Variants in ADNP observed in about 807,000 individuals in gnomAD.
The protein encoded by ADNP is activity dependent neuroprotector homeobox, also known as activity-dependent neuroprotector homeobox protein.
A neutral mutation model predicts 84.9 loss-of-function variants in ADNP; 4 were observed. That is an observed-to-expected ratio of 0.05 (90% confidence interval 0.02 to 0.11). ADNP has a LOEUF of 0.11. Ranked by LOEUF, ADNP falls within the 10% of genes least tolerant of loss-of-function variation. ADNP has a pLI of 1.00. For synonymous variants in ADNP, 554 were observed against 468.1 expected, an observed-to-expected ratio of 1.18 and a Z score of -2.37; for missense variants, 1,132 against 1,326.0, an observed-to-expected ratio of 0.85 and a Z score of 2.27.
chr20:50,891,475 ATGT>A lies in ADNP; in HGVS notation c.3236_3238del (p.Asn1079del), dbSNP rs1568701269. ...CATGGGCTCAGCTACTCCATCAGTC[ATGT>A]TGTCAAACTGTTCCCCATCCTCACT... On this transcript the variant is annotated inframe_deletion, in exon 6 of 6. Coordinates refer to ENST00000621696, the MANE Select transcript of ADNP (RefSeq NM_001282531.3). 2.5e-6 allele frequency: 4 copies of A among 1,612,736 alleles called. No individual in the cohort carries two copies. Among genetic ancestry groups the A allele is most frequent in the Admixed American group, 3.3e-5 (2 of 60,030 alleles).
At chr20:50,921,180 A>C (rs978201496) in intron 2 of ADNP, among the ~76,000 whole-genome samples, 1 of 152,252 alleles carries the variant, frequency 6.6e-6, no homozygotes, top group African/African-American at 2.4e-5. Context: ...CAAAATTCTG[A>C]GTTCACACCA....
Position 50,912,826 on chromosome 20 carries a change from TA to T in ADNP, c.-89-7978del, listed in dbSNP as rs1235532969. Among the ~76,000 whole-genome samples, 8 of 152,056 alleles carry T rather than the reference TA, an allele frequency of 5.3e-5. 1 individual carries two copies. The East Asian group carries it at 7.7e-4, about 15-fold the overall frequency. ...AAAATAAAGTTCACACTGTGATTTT[TA>T]AAAAAACATTTCTACCCTAAAGTTG... On this transcript the variant is annotated intron_variant, in intron 2 of 5. Coordinates refer to ENST00000621696, the MANE Select transcript of ADNP (RefSeq NM_001282531.3).
rs775740475 is a variant in ADNP at position 50,892,124 on chromosome 20, T to C, written c.2590A>G (p.Lys864Glu). 8.1e-6 allele frequency: 13 copies of C among 1,614,052 alleles called. No individual in the cohort carries two copies. Among genetic ancestry groups the C allele is most frequent in the African/African-American group, 2.7e-5 (2 of 74,916 alleles). ...SRVNASKTAD[K>E]KLNLGKEDDS... ...TCTTCCTTCCCAAGGTTGAGCTTTTTGTCAGCAGTCTTACTAGCATTGACT... is the reference window on the plus strand; with the variant it reads ...TCTTCCTTCCCAAGGTTGAGCTTTTCGTCAGCAGTCTTACTAGCATTGACT... The change falls in exon 6 of 6, where the codon AAA becomes GAA. Residue 864 changes from lysine to glutamate, a missense_variant. By Grantham distance (56) the Lys-to-Glu change is moderately conservative. Transcript: ENST00000621696.
chr20:50,927,754 T>C (rs545609246), intron 2 of ADNP, among the ~76,000 whole-genome samples: 1 of 152,346 alleles, frequency 6.6e-6, no homozygotes, highest in African/African-American at 2.4e-5. Context: ...AATACATGCT[T>C]TCTAAGAGCT....
chr20:50,920,522 A>T (rs1431041947), intron 2 of ADNP, among the ~76,000 whole-genome samples: 1 of 148,616 alleles, frequency 6.7e-6, no homozygotes, highest in Non-Finnish European at 1.5e-5. Flanking sequence ...AGAGGTTGAG[A>T]TCGCGCCACT....
At chr20:50,901,889 A>T in intron 5 of ADNP, 128 bp downstream of exon 5, 1 of 787,216 alleles carries the variant, frequency 1.3e-6, no homozygotes, top group Non-Finnish European at 2.2e-6. Context: ...GAAAATATGA[A>T]ATGCAATTTT....
intron 2 of ADNP, among the ~76,000 whole-genome samples, chr20:50,912,977 C>T (rs190960388): frequency 1.2e-3 from 178 of 152,012 alleles, no homozygotes; most frequent in Non-Finnish European, 1.8e-3. Context: ...TCAGGATGGG[C>T]GCCATGGCTC....
chr20:50,926,635 TTAA>T (rs1019259511), intron 2 of ADNP, among the ~76,000 whole-genome samples: 3 of 152,318 alleles, frequency 2.0e-5, no homozygotes, highest in South Asian at 4.1e-4. Flanking sequence ...TCATCTGTAT[TTAA>T]TAATATGACA....
intron 5 of ADNP, among the ~76,000 whole-genome samples, chr20:50,899,197 GTTTT>G (rs111552447): frequency 7.1e-6 from 1 of 140,954 alleles, no homozygotes; most frequent in African/African-American, 2.6e-5. Context: ...TGGTAATGAG[GTTTT>G]TTTTTTTTTT....
chr20:50,904,259 T>C (rs1982267346), intron 3 of ADNP: 1 of 418,912 alleles, frequency 2.4e-6, no homozygotes, highest in Non-Finnish European at 4.4e-6. Flanking sequence ...AGTGCACTCA[T>C]GGTTCATTGA....
At position 50,903,650 on chromosome 20, in the gene ADNP, G is replaced by C. The variant is rs573281055; in HGVS notation, c.108+239C>G. Among the ~76,000 whole-genome samples, 16 of 152,324 alleles carry C rather than the reference G, an allele frequency of 1.1e-4. No individual in the cohort carries two copies. The South Asian group carries it at 3.1e-3, about 30-fold the overall frequency. On this transcript the variant is annotated intron_variant, in intron 4 of 5. Transcript: ENST00000621696. ...TGTATAGACAACTTTACGGCACCTAGTTCAACGCCTGACATGCTTAAGTCC... is the reference window on the plus strand; with the variant it reads ...TGTATAGACAACTTTACGGCACCTACTTCAACGCCTGACATGCTTAAGTCC...
intron 2 of ADNP, among the ~76,000 whole-genome samples, chr20:50,922,448 T>C (rs1056162723): frequency 4.6e-5 from 7 of 152,052 alleles, no homozygotes; most frequent in Non-Finnish European, 7.4e-5. Context: ...ACACTTATGT[T>C]TACCGGTTTA....
chr20:50,928,156 C>T (rs1434955092), intron 2 of ADNP, among the ~76,000 whole-genome samples: 1 of 152,196 alleles, frequency 6.6e-6, no homozygotes, highest in African/African-American at 2.4e-5. Context: ...TCCTGTTAAG[C>T]ACCAACTGGT....
At chr20:50,904,052 T>C (rs1982239458) in intron 3 of ADNP, 51 bp from the exon 4 acceptor site, 1 of 1,355,846 alleles carries the variant, frequency 7.4e-7, no homozygotes, top group Non-Finnish European at 1.0e-6. Context: ...CAACTTGTAA[T>C]ATTTACTAAT....
chr20:50,892,456 G>C lies in ADNP; in HGVS notation c.2258C>G (p.Ala753Gly). 6.2e-7 allele frequency: 1 copy of C among 1,614,114 alleles called. No individual in the cohort carries two copies. The highest frequency in any genetic ancestry group is 8.5e-7 in the Non-Finnish European group (1 of 1,180,038). The change falls in exon 6 of 6, where the codon GCT (alanine) becomes GGT (glycine). Residue 753 changes from alanine (A) to glycine (G), a missense_variant. Transcript: ENST00000621696. ...EEKPEEPVVL[A>G]LDPKGHEDDS... is the part of the protein sequence containing the mutation. ...ATCTTCATGACCCTTGGGGTCTAAAGCTAAAACAACAGGCTCTTCAGGCTT... is the reference window on the plus strand; with the variant it reads ...ATCTTCATGACCCTTGGGGTCTAAACCTAAAACAACAGGCTCTTCAGGCTT...
At chr20:50,895,663 C>T (rs73263651) in intron 5 of ADNP, among the ~76,000 whole-genome samples, 5,410 of 152,194 alleles carry the variant, frequency 0.036, 219 homozygotes, top group African/African-American at 0.085. Flanking sequence ...CTCCCACCTC[C>T]GCCTCAGTCC....
At chr20:50,901,295 T>G (rs1251049959) in intron 5 of ADNP, among the ~76,000 whole-genome samples, 1 of 139,616 alleles carries the variant, frequency 7.2e-6, no homozygotes, top group Non-Finnish European at 1.5e-5. Context: ...CTAAGACTGC[T>G]GGTTAGTAAC....
chr20:50,899,499 A>G (rs1332677237), intron 5 of ADNP, among the ~76,000 whole-genome samples: 1 of 152,122 alleles, frequency 6.6e-6, no homozygotes, highest in Non-Finnish European at 1.5e-5. Flanking sequence ...GCATGAGCCC[A>G]GCGCCCGGCC....
intron 2 of ADNP, chr20:50,905,679 TATC>T (rs963069531): frequency 1.3e-5 from 2 of 152,194 alleles, no homozygotes; most frequent in African/African-American, 4.8e-5. Context: ...TTCTAGGCCT[TATC>T]ATACTCAAGA....
Sources: allele counts gnomAD v4.1 joint callset (sites outside exome capture counted in the v4.1 genomes callset), GRCh38; gene constraint gnomAD v4.1.1; transcripts MANE v1.5; gene names NCBI Gene and HGNC (gene_info 2026-07-23, HGNC 2026-07-21).